The following CAMK1D variants were observed in gnomAD, a reference collection of about 807,000 sequenced individuals.
CAMK1D encodes calcium/calmodulin dependent protein kinase ID, also known as calcium/calmodulin-dependent protein kinase type 1D.
A neutral mutation model predicts 47.7 loss-of-function variants in CAMK1D; 9 were observed. That is an observed-to-expected ratio of 0.19 (90% CI 0.11 to 0.33). The LOEUF (loss-of-function observed/expected upper bound fraction) is 0.33, where lower values mean the gene tolerates loss of function less well. CAMK1D is among the 10% of genes least tolerant of loss of function. CAMK1D has a pLI of 1.00. For missense variants in CAMK1D, 291 were observed against 488.7 expected, an observed-to-expected ratio of 0.60 and a Z score of 3.81; for synonymous variants, 184 against 184.9, an observed-to-expected ratio of 0.99 and a Z score of 0.04.
At chr10:12,604,877 T>C (rs1373651521) in intron 2 of CAMK1D, among the ~76,000 whole-genome samples, 1 of 150,822 alleles carries the variant, frequency 6.6e-6, no homozygotes, top group Non-Finnish European at 1.5e-5. Context: ...GCAGATCCAA[T>C]GCAATCCTTT....
rs1209222771 is a variant in CAMK1D at position 12,694,113 on chromosome 10, ATATTATGCATAATATAT to A, written c.299+27304_299+27320del. Among the ~76,000 whole-genome samples the A allele has an allele frequency of 3.1e-4, 14 of 45,762 alleles. 3 individuals carry two copies. The highest frequency in any genetic ancestry group is 1.0e-3 in the African/African-American group (12 of 11,788). The allele number at this position is 45,762 out of a possible 152,430, so 30.0% of individuals were successfully genotyped here. A position where few individuals can be genotyped will look rare whatever the true frequency, so the allele number is the denominator to read the frequency against. On this transcript the variant is annotated intron_variant, in intron 3 of 10. Coordinates refer to ENST00000619168, the MANE Select transcript of CAMK1D (RefSeq NM_153498.4). ...ATATATATTATATAATATATAATATATATTATGCATAATATATATTATATATAATATAATATATAATA... is the reference window on the plus strand; with the variant it reads ...ATATATATTATATAATATATAATATAATTATATATAATATAATATATAATA...
intron 3 of CAMK1D, among the ~76,000 whole-genome samples, chr10:12,750,486 G>A (rs1835894257): frequency 6.6e-6 from 1 of 152,216 alleles, no homozygotes; most frequent in Admixed American, 6.5e-5. Flanking sequence ...GCCAGGACCA[G>A]CCAGGTGGGA....
At chr10:12,624,991 C>T (rs1489034212) in intron 2 of CAMK1D, among the ~76,000 whole-genome samples, 2 of 121,742 alleles carry the variant, frequency 1.6e-5, no homozygotes, top group Non-Finnish European at 3.6e-5. Flanking sequence ...CTCCTTCCTC[C>T]TCTTTCCTCC....
chr10:12,757,238 G>A (rs1481756463), intron 3 of CAMK1D, among the ~76,000 whole-genome samples: 1 of 152,098 alleles, frequency 6.6e-6, no homozygotes, highest in Non-Finnish European at 1.5e-5. Context: ...CTCCCAAAGT[G>A]CTGGGATTAC....
At chr10:12,798,813 A>G (rs968318314) in intron 6 of CAMK1D, among the ~76,000 whole-genome samples, 1 of 152,242 alleles carries the variant, frequency 6.6e-6, no homozygotes, top group Non-Finnish European at 1.5e-5. Flanking sequence ...TCTCTGAATT[A>G]TCAGGATTTT....
chr10:12,353,890 G>A (rs999497953), intron 1 of CAMK1D, among the ~76,000 whole-genome samples: 11 of 152,046 alleles, frequency 7.2e-5, no homozygotes, highest in African/African-American at 1.2e-4. Context: ...TGTTCAGGCC[G>A]TCCCTATCGT....
chr10:12,575,792 T>A (rs753544754), intron 2 of CAMK1D, among the ~76,000 whole-genome samples: 64 of 152,338 alleles, frequency 4.2e-4, no homozygotes, highest in Non-Finnish European at 8.4e-4. Context: ...GTGGTTTGCA[T>A]GTGGCTGGTT....
rs560130928 is a variant in CAMK1D at position 12,532,433 on chromosome 10, C to T, written c.93-20792C>T. 2.3e-3 allele frequency among the ~76,000 whole-genome samples: 354 copies of T among 152,216 alleles called. 5 individuals are homozygous for T. Among genetic ancestry groups the T allele is most frequent in the African/African-American group, 8.2e-3 (342 of 41,556 alleles). On this transcript the variant is annotated intron_variant, in intron 1 of 10. Coordinates refer to ENST00000619168, the MANE Select transcript of CAMK1D (RefSeq NM_153498.4). ...TAGCTGGGACTACAGGCGCCCGCCA[C>T]TACGCCTGGCTAATTTTTTGTATTT...
intron 2 of CAMK1D, among the ~76,000 whole-genome samples, chr10:12,591,659 A>G (rs1049437090): frequency 3.3e-5 from 5 of 152,174 alleles, no homozygotes; most frequent in African/African-American, 1.2e-4. Context: ...GTTTCTGTTC[A>G]CGTAGGCAGC....
rs2132273340 is a variant in CAMK1D, at chr10:12,553,457, G to GC, written c.224+106dup. 3 of 918,224 alleles carry GC rather than the reference G, an allele frequency of 3.3e-6. No individual in the cohort carries two copies. In the South Asian group the frequency reaches 4.3e-5, roughly 13 times the overall value. The allele number at this position is 918,224 out of a possible 1,614,324, so 56.9% of individuals were successfully genotyped here. A position where few individuals can be genotyped will look rare whatever the true frequency, so the allele number is the denominator to read the frequency against. On this transcript the variant is annotated intron_variant, in intron 2 of 10. Transcript: ENST00000619168. ...GCAGACTTTCCCCGGGGGCAGAGGGGCCCCCAGAGGACCCAGGCTGTGCAA... is the reference window on the plus strand; with the variant it reads ...GCAGACTTTCCCCGGGGGCAGAGGGGCCCCCCAGAGGACCCAGGCTGTGCAA...
intron 1 of CAMK1D, among the ~76,000 whole-genome samples, chr10:12,357,793 C>T (rs781260013): frequency 6.6e-6 from 1 of 152,140 alleles, no homozygotes; most frequent in Non-Finnish European, 1.5e-5. Context: ...TTCACGTTGG[C>T]TATGCCCCTT....
intron 1 of CAMK1D, among the ~76,000 whole-genome samples, chr10:12,528,120 TAG>T (rs1409102406): frequency 6.6e-6 from 1 of 152,258 alleles, no homozygotes; most frequent in African/African-American, 2.4e-5. Context: ...AGTCCCATTT[TAG>T]AGATGATGTT....
rs1020062417 is a variant in CAMK1D at position 12,831,327 on chromosome 10, T to C, written c.*2440T>C. 6.6e-6 allele frequency: 1 copy of C among 152,212 alleles called. No homozygotes were observed. 9.4% of individuals were successfully genotyped at this position (152,212 alleles called of 1,614,324 possible). Reference sequence around the variant, plus strand: ...GAAACATTCGAGTTCATACAGTGCATGACAAAGTAATAGAAGGCTGCAAGC... The same window carrying C: ...GAAACATTCGAGTTCATACAGTGCACGACAAAGTAATAGAAGGCTGCAAGC... On this transcript the variant is annotated 3_prime_UTR_variant, in exon 11 of 11. Transcript: ENST00000619168.
At chr10:12,779,991 A>AAAGCCACGATAGATATCTT (rs1837421396) in intron 5 of CAMK1D, among the ~76,000 whole-genome samples, 1 of 152,244 alleles carries the variant, frequency 6.6e-6, no homozygotes, top group South Asian at 2.1e-4. Flanking sequence ...TGTTGGCTGC[A>AAAGCCACGATAGATATCTT]AAGCCACGAT....
chr10:12,653,278 C>G (rs1356726645), intron 2 of CAMK1D: 1 of 153,202 alleles, frequency 6.5e-6, no homozygotes, highest in Non-Finnish European at 1.5e-5. Flanking sequence ...TCTAAAAGGC[C>G]CCACCTCACA....
intron 1 of CAMK1D, among the ~76,000 whole-genome samples, chr10:12,421,877 C>G (rs1171994558): frequency 6.8e-6 from 1 of 147,620 alleles, no homozygotes; most frequent in African/African-American, 2.5e-5. Context: ...AGTGCAATGG[C>G]TTGATCTTGG....
chr10:12,606,489 C>T (rs1488824831), intron 2 of CAMK1D, among the ~76,000 whole-genome samples: 1 of 152,196 alleles, frequency 6.6e-6, no homozygotes. Context: ...GACGGCCCTC[C>T]CTGGGCAGGG....
intron 1 of CAMK1D, among the ~76,000 whole-genome samples, chr10:12,452,000 C>T (rs556368996): frequency 5.3e-5 from 8 of 152,178 alleles, no homozygotes; most frequent in South Asian, 2.1e-4. Context: ...GGCCAATAGC[C>T]CCTTAATTGA....
chr10:12,567,420 G>T (rs1202683701), intron 2 of CAMK1D, among the ~76,000 whole-genome samples: 1 of 152,226 alleles, frequency 6.6e-6, no homozygotes, highest in East Asian at 1.9e-4. Flanking sequence ...AGTGGGGAAG[G>T]CAGGGATGGG....
Sources: gnomAD v4.1 joint callset for allele counts (sites outside exome capture counted in the v4.1 genomes callset) on GRCh38, gnomAD v4.1.1 for gene constraint, MANE v1.5 for transcripts, NCBI Gene and HGNC (gene_info 2026-07-23, HGNC 2026-07-21) for gene names.